Variants in UNC5D observed in about 807,000 individuals in gnomAD.
UNC5D encodes the protein unc-5 netrin receptor D.
Under a neutral mutation model 105.4 loss-of-function variants are expected in UNC5D, and 39 were observed. That is an observed-to-expected ratio of 0.37 (90% confidence interval 0.29 to 0.48). The LOEUF is 0.48. UNC5D is among the 20% of genes least tolerant of loss of function. The pLI is 0.98. For missense variants in UNC5D, 991 were observed against 1,202.4 expected (o/e 0.82, Z 2.60); for synonymous variants, 452 against 450.4 (o/e 1.00, Z -0.04).
At chr8:35,458,856 C>A (rs565526357) in intron 1 of UNC5D, among the ~76,000 whole-genome samples, 1 of 152,156 alleles carries the variant, frequency 6.6e-6, no homozygotes, top group African/African-American at 2.4e-5. Flanking sequence ...TCTTCGAAGA[C>A]GTCTTGAAAT....
At chr8:35,537,703 A>T (rs1375570960) in intron 1 of UNC5D, among the ~76,000 whole-genome samples, 1 of 150,302 alleles carries the variant, frequency 6.7e-6, no homozygotes, top group Admixed American at 6.6e-5. Context: ...TAAATAAATA[A>T]AAATAAAATA....
chr8:35,573,560 CTGTTGGCACTAAGGTA>C (rs1461891531), intron 3 of UNC5D, among the ~76,000 whole-genome samples: 1 of 152,206 alleles, frequency 6.6e-6, no homozygotes, highest in Admixed American at 6.5e-5. Context: ...ACCCTGAGTG[CTGTTGGCACTAAGGTA>C]TGTTGATCCT....
chr8:35,289,996 A>G (rs1410285715), intron 1 of UNC5D, among the ~76,000 whole-genome samples: 1 of 152,168 alleles, frequency 6.6e-6, no homozygotes, highest in Non-Finnish European at 1.5e-5. Flanking sequence ...GTATCACCTC[A>G]TACCCATTAG....
At chr8:35,738,009 G>A (rs141077052) in intron 11 of UNC5D, among the ~76,000 whole-genome samples, 24 of 152,264 alleles carry the variant, frequency 1.6e-4, no homozygotes, top group African/African-American at 5.5e-4. Flanking sequence ...GGGAGGCTGA[G>A]GCAGGAGAAT....
At chr8:35,784,162 A>T (rs1349318266) in intron 16 of UNC5D, among the ~76,000 whole-genome samples, 1 of 152,162 alleles carries the variant, frequency 6.6e-6, no homozygotes, top group Non-Finnish European at 1.5e-5. Context: ...TCTCTGAAAG[A>T]TAAAATTAAT....
chr8:35,263,649 G>C (rs994421936), intron 1 of UNC5D, among the ~76,000 whole-genome samples: 4 of 152,176 alleles, frequency 2.6e-5, no homozygotes, highest in Admixed American at 2.6e-4. Context: ...TGAACAATAA[G>C]ACTTTAGTAT....
At chr8:35,298,692 T>C (rs1021301088) in intron 1 of UNC5D, among the ~76,000 whole-genome samples, 1 of 147,386 alleles carries the variant, frequency 6.8e-6, no homozygotes. Flanking sequence ...AGCAGTAGAG[T>C]TGCACAATAT....
chr8:35,442,875 C>CTG (rs1441948234), intron 1 of UNC5D, among the ~76,000 whole-genome samples: 2 of 145,892 alleles, frequency 1.4e-5, no homozygotes, highest in Non-Finnish European at 3.0e-5. Flanking sequence ...CTCTCTCTCT[C>CTG]TCTCTCTGTT....
chr8:35,752,094 T>C (rs1269795539), intron 13 of UNC5D, among the ~76,000 whole-genome samples: 6 of 152,226 alleles, frequency 3.9e-5, no homozygotes, highest in Admixed American at 3.9e-4. Context: ...ATATAGTCTA[T>C]TAATTATCAG....
At chr8:35,569,195 T>C (rs1817563052) in intron 3 of UNC5D, among the ~76,000 whole-genome samples, 1 of 152,218 alleles carries the variant, frequency 6.6e-6, no homozygotes, top group Admixed American at 6.5e-5. Flanking sequence ...CACAAACTTT[T>C]TTTCTCCTCC....
intron 4 of UNC5D, among the ~76,000 whole-genome samples, chr8:35,641,386 G>GAAAAAAAAAAAAAAAAAAAAAA (rs1209560462): frequency 1.1e-5 from 1 of 91,844 alleles, no homozygotes; most frequent in Non-Finnish European, 2.3e-5. Context: ...AAAAAAAAAA[G>GAAAAAAAAAAAAAAAAAAAAAA]AAAAAAAAAA....
At chr8:35,634,130 A>C (rs1822212924) in intron 4 of UNC5D, among the ~76,000 whole-genome samples, 1 of 152,198 alleles carries the variant, frequency 6.6e-6, no homozygotes, top group Admixed American at 6.5e-5. Context: ...CTATCTCTGT[A>C]GGGTGTTGTT....
chr8:35,573,573 G>A (rs780691807), intron 3 of UNC5D, among the ~76,000 whole-genome samples: 5 of 152,172 alleles, frequency 3.3e-5, no homozygotes, highest in Non-Finnish European at 7.3e-5. Flanking sequence ...TTGGCACTAA[G>A]GTATGTTGAT....
chr8:35,319,216 C>T (rs1216754695), intron 1 of UNC5D, among the ~76,000 whole-genome samples: 1 of 152,090 alleles, frequency 6.6e-6, no homozygotes, highest in East Asian at 1.9e-4. Flanking sequence ...AAAATATACC[C>T]TTCAGGCAAA....
intron 1 of UNC5D, among the ~76,000 whole-genome samples, chr8:35,270,221 C>T (rs1805184458): frequency 6.6e-6 from 1 of 152,102 alleles, no homozygotes; most frequent in South Asian, 2.1e-4. Context: ...TAAACGGTCA[C>T]CTAGTGGATG....
intron 3 of UNC5D, among the ~76,000 whole-genome samples, chr8:35,569,269 T>C (rs1817567099): frequency 6.6e-6 from 1 of 152,274 alleles, no homozygotes; most frequent in South Asian, 2.1e-4. Context: ...ATAAAACCTC[T>C]TTTGTGTGCC....
Position 35,686,610 on chromosome 8 carries a change from A to G in UNC5D, c.985A>G (p.Ile329Val). The stretch of plus-strand genomic sequence containing the variant: ...CAGTCCAGAGTGTGAACATTTGCGG[A>G]TCCGGGAGTGCACAGCACCACCCCC... ...VCSPECEHLR[I>V]RECTAPPPRN... Residue 329 changes from isoleucine to valine, a missense_variant, in exon 7 of 17, where the codon ATC (isoleucine) becomes GTC (valine). Transcript: ENST00000404895. 6.2e-7 allele frequency: 1 copy of G among 1,608,952 alleles called. No individual in the cohort carries two copies. The highest frequency in any genetic ancestry group is 8.5e-7 in the Non-Finnish European group (1 of 1,178,664).
chr8:35,671,714 T>C (rs912209984), intron 4 of UNC5D, among the ~76,000 whole-genome samples: 4 of 152,164 alleles, frequency 2.6e-5, no homozygotes, highest in African/African-American at 9.7e-5. Context: ...TCTTCCTTCA[T>C]GGTGACTTTG....
intron 1 of UNC5D, among the ~76,000 whole-genome samples, chr8:35,379,390 G>A (rs761989185): frequency 2.9e-4 from 44 of 152,062 alleles, no homozygotes; most frequent in Non-Finnish European, 8.8e-5. Flanking sequence ...CCTGAGCCCC[G>A]CAAGTTGGAG....
Sources: gnomAD v4.1 joint callset for allele counts (sites outside exome capture counted in the v4.1 genomes callset) on GRCh38, gnomAD v4.1.1 for gene constraint, MANE v1.5 for transcripts, NCBI Gene and HGNC (gene_info 2026-07-23, HGNC 2026-07-21) for gene names.